Variants in ACTR3C observed in about 807,000 individuals in gnomAD.
The protein encoded by ACTR3C is actin related protein 3C.
A neutral mutation model predicts 26.3 loss-of-function variants in ACTR3C; 18 were observed. The observed-to-expected ratio is 0.68, with a 90% CI of 0.47 to 1.01. ACTR3C has a LOEUF of 1.01. Ranked by LOEUF, ACTR3C falls within the 50% of genes least tolerant of loss-of-function variation. The pLI, the probability that ACTR3C is intolerant of heterozygous loss-of-function variation, is 0.00. For synonymous variants in ACTR3C, 55 were observed against 94.5 expected, an observed-to-expected ratio of 0.58 and a Z score of 2.42; for missense variants, 184 against 250.7, an observed-to-expected ratio of 0.73 and a Z score of 1.80.
At chr7:150,287,445 C>A (rs1249423761) in intron 4 of ACTR3C, among the ~76,000 whole-genome samples, 3 of 152,042 alleles carry the variant, frequency 2.0e-5, no homozygotes, top group Non-Finnish European at 4.4e-5. Context: ...CGAAGTGTTT[C>A]ATGGGTATCT....
chr7:149,966,773 A>AC, the ACTR3C span, among the ~76,000 whole-genome samples: 1 of 152,126 alleles, frequency 6.6e-6, no homozygotes, highest in African/African-American at 2.4e-5. Context: ...GATGTCACAC[A>AC]CCCCTCACTA....
the ACTR3C span, among the ~76,000 whole-genome samples, chr7:150,089,466 C>A: frequency 1.3e-5 from 2 of 152,192 alleles, no homozygotes; most frequent in African/African-American, 2.4e-5. Flanking sequence ...AATATGCAAG[C>A]CTTCAGGAAC....
At chr7:150,076,922 C>T in the ACTR3C span, among the ~76,000 whole-genome samples, 2 of 152,092 alleles carry the variant, frequency 1.3e-5, no homozygotes, top group Non-Finnish European at 2.9e-5. Flanking sequence ...CCCAGCACTT[C>T]GGGAGGCCAA....
the ACTR3C span, among the ~76,000 whole-genome samples, chr7:150,234,267 C>G: frequency 0.06 from 9,085 of 152,234 alleles, 495 homozygotes; most frequent in African/African-American, 0.14. Flanking sequence ...AGCTTTGCTT[C>G]TCCCCTTACA....
chr7:150,067,327 G>A, the ACTR3C span, among the ~76,000 whole-genome samples: 1 of 152,224 alleles, frequency 6.6e-6, no homozygotes, highest in Non-Finnish European at 1.5e-5. Flanking sequence ...AGAGTTCAAT[G>A]CCAGTGCAGA....
the ACTR3C span, among the ~76,000 whole-genome samples, chr7:150,098,722 G>T: frequency 6.6e-6 from 1 of 151,990 alleles, no homozygotes; most frequent in South Asian, 2.1e-4. Context: ...ACCTGTAGGA[G>T]TTCAGAAAAG....
rs1795995088 is a variant in ACTR3C at position 150,308,470 on chromosome 7, T to G, written c.-51-13123A>C. On this transcript the variant is annotated intron_variant, in intron 1 of 7. Transcript: ENST00000683684. ...ATTTTGTCGAAAAATGGGCAAATGG[T>G]CTGAGGTGCCTTACGTCCAGGCATT... Among the ~76,000 whole-genome samples the G allele has an allele frequency of 5.3e-5, 8 of 152,186 alleles. 1 individual carries two copies. In the South Asian group the frequency reaches 1.7e-3, roughly 32 times the overall value.
the ACTR3C span, among the ~76,000 whole-genome samples, chr7:149,906,965 G>A: frequency 1.3e-4 from 1 of 7,424 alleles, no homozygotes; most frequent in East Asian, 1.6e-3. Flanking sequence ...AAAAAGTAGG[G>A]AATAACTTTC....
the ACTR3C span, among the ~76,000 whole-genome samples, chr7:149,931,750 C>G: frequency 0.44 from 67,300 of 151,808 alleles, 15,856 homozygotes; most frequent in Non-Finnish European, 0.52. Flanking sequence ...GGGGTGCCAA[C>G]AGCAGAAGAA....
the ACTR3C span, among the ~76,000 whole-genome samples, chr7:149,902,313 G>C: frequency 6.7e-5 from 10 of 149,212 alleles, no homozygotes; most frequent in African/African-American, 2.2e-4. Context: ...ATATAATCCT[G>C]ATACACAACC....
chr7:150,007,073 T>C, the ACTR3C span, among the ~76,000 whole-genome samples: 2 of 152,058 alleles, frequency 1.3e-5, no homozygotes, highest in Non-Finnish European at 2.9e-5. Context: ...TACCACAGCC[T>C]AGAGCAGAAA....
At chr7:150,207,043 G>A in the ACTR3C span, among the ~76,000 whole-genome samples, 1 of 152,184 alleles carries the variant, frequency 6.6e-6, no homozygotes, top group East Asian at 1.9e-4. Context: ...CATAGAAAAT[G>A]TTATGTAATA....
chr7:150,047,118 T>A, the ACTR3C span, among the ~76,000 whole-genome samples: 4 of 151,224 alleles, frequency 2.6e-5, no homozygotes, highest in African/African-American at 9.7e-5. Context: ...GGAGAGGCAT[T>A]TGAGTCAAGG....
chr7:150,037,335 G>C, the ACTR3C span, among the ~76,000 whole-genome samples: 2 of 62,096 alleles, frequency 3.2e-5, no homozygotes, highest in African/African-American at 4.5e-5. Context: ...CTAAGCCGGG[G>C]GGGGAAGAGG....
chr7:150,227,850 A>G, the ACTR3C span, among the ~76,000 whole-genome samples: 1 of 151,228 alleles, frequency 6.6e-6, no homozygotes, highest in Non-Finnish European at 1.5e-5. Flanking sequence ...TGTTTCATTG[A>G]CCTATCTACC....
chr7:150,128,646 T>A, the ACTR3C span, among the ~76,000 whole-genome samples: 1 of 151,426 alleles, frequency 6.6e-6, no homozygotes. Context: ...CCTCTGGGAG[T>A]TTCTCTCATG....
At chr7:149,889,761 A>G in the ACTR3C span, among the ~76,000 whole-genome samples, 142,289 of 152,234 alleles carry the variant, frequency 0.93, 67,035 homozygotes, top group East Asian at 1. Context: ...AGGAGGTTGA[A>G]GCGGGAGGAT....
chr7:150,110,722 G>A, the ACTR3C span, among the ~76,000 whole-genome samples: 1 of 149,086 alleles, frequency 6.7e-6, no homozygotes, highest in Admixed American at 6.6e-5. Context: ...GCCTGAGGGT[G>A]GGGCTTAGAA....
chr7:150,127,313 T>C, the ACTR3C span, among the ~76,000 whole-genome samples: 6 of 146,098 alleles, frequency 4.1e-5, no homozygotes, highest in African/African-American at 1.2e-4. Context: ...CTTACCATAA[T>C]AGGAAAAAGA....
Sources: allele counts gnomAD v4.1 joint callset (sites outside exome capture counted in the v4.1 genomes callset), GRCh38; gene constraint gnomAD v4.1.1; transcripts MANE v1.5; gene names NCBI Gene and HGNC (gene_info 2026-07-23, HGNC 2026-07-21).